The following IL36B variants were observed in gnomAD, a reference collection of about 807,000 sequenced individuals.
IL36B encodes interleukin 36 beta.
Under a neutral mutation model 19.3 loss-of-function variants are expected in IL36B, and 23 were observed. That is an observed-to-expected ratio of 1.19 (90% confidence interval 0.86 to 1.69). IL36B has a LOEUF of 1.69. IL36B is among the 40% of genes most tolerant of loss of function. The pLI is 0.00. For synonymous variants in IL36B, 59 were observed against 59.7 expected (o/e 0.99, Z 0.05); for missense variants, 217 against 200.5 (o/e 1.08, Z -0.50).
chr2:113,029,578 G>A (rs777440825), intron 3 of IL36B, among the ~76,000 whole-genome samples: 4 of 152,216 alleles, frequency 2.6e-5, no homozygotes, highest in African/African-American at 7.2e-5. Context: ...TTTCCGGCTC[G>A]AGGAAATGGA....
Position 113,039,121 on chromosome 2 carries a change from C to T in IL36B, c.-57-7355G>A, listed in dbSNP as rs79613977. 8.2e-3 allele frequency among the ~76,000 whole-genome samples: 1,255 copies of T among 152,238 alleles called. 16 individuals are homozygous for T. Among genetic ancestry groups the T allele is most frequent in the African/African-American group, 0.028 (1,164 of 41,536 alleles). On this transcript the variant is annotated intron_variant, in intron 1 of 5. Coordinates refer to ENST00000259213, the MANE Select transcript of IL36B (RefSeq NM_014438.5). The stretch of plus-strand genomic sequence containing the variant: ...CTCTAGATTGGGATATCAGCATAGT[C>T]CAGGTTGGCCCCTGGATATGAGACT...
chr2:113,041,615 C>G (rs1685258714), intron 1 of IL36B, among the ~76,000 whole-genome samples: 1 of 152,194 alleles, frequency 6.6e-6, no homozygotes, highest in Non-Finnish European at 1.5e-5. Context: ...AAAATAAAAA[C>G]TTACTTATTA....
intron 1 of IL36B, among the ~76,000 whole-genome samples, chr2:113,035,248 G>A (rs921428097): frequency 1.3e-5 from 2 of 152,170 alleles, no homozygotes; most frequent in South Asian, 2.1e-4. Context: ...GGTCCTGAGA[G>A]TGCTTAATGA....
intron 1 of IL36B, among the ~76,000 whole-genome samples, chr2:113,038,085 T>G (rs1000398883): frequency 2.6e-5 from 4 of 152,242 alleles, no homozygotes; most frequent in Non-Finnish European, 2.9e-5. Context: ...TTCAAGGTCC[T>G]TCCCTGGAAT....
intron 2 of IL36B, 49 bp from the exon 3 acceptor site, chr2:113,031,204 A>ACGT: frequency 1.6e-6 from 2 of 1,285,064 alleles, no homozygotes; most frequent in Non-Finnish European, 2.3e-6. Context: ...TATCAACTTC[A>ACGT]GGACTCCAGT....
At chr2:113,025,154 C>T (rs1042854917) in intron 5 of IL36B, among the ~76,000 whole-genome samples, 2 of 152,200 alleles carry the variant, frequency 1.3e-5, no homozygotes, top group African/African-American at 4.8e-5. Context: ...TTCATTTCTG[C>T]AGCCATCTCC....
chr2:113,029,019 T>C lies in IL36B; in HGVS notation c.181A>G (p.Met61Val). Residue 61 changes from methionine to valine, a missense_variant, in exon 4 of 6, where the codon ATG becomes GTG. By Grantham distance (21) the Met-to-Val change is conservative. Coordinates refer to ENST00000259213, the MANE Select transcript of IL36B (RefSeq NM_014438.5). ...TTTCCCTTGATTCCCAGGTAAACCA[T>C]ATTACCCTTTTCCTTGTCACTGAAT... 1 of 1,613,888 alleles carries C rather than the reference T, an allele frequency of 6.2e-7. No individual in the cohort carries two copies. The highest frequency in any genetic ancestry group is 8.5e-7 in the Non-Finnish European group (1 of 1,179,764).
At position 113,028,108 on chromosome 2, in the gene IL36B, T is replaced by C. The variant is rs529658496; in HGVS notation, c.261+831A>G. On this transcript the variant is annotated intron_variant, in intron 4 of 5. Transcript: ENST00000259213. The stretch of plus-strand genomic sequence containing the variant: ...CTTCTCCACATACAGGTCCATGATA[T>C]TTTTTTCCTGGGGGTGGAAAAGAGG... 2.4e-4 allele frequency: 390 copies of C among 1,613,192 alleles called. 3 individuals are homozygous for C. In the South Asian group the frequency reaches 4.0e-3, roughly 17 times the overall value.
chr2:113,037,693 T>C (rs1685187171), intron 1 of IL36B, among the ~76,000 whole-genome samples: 2 of 152,172 alleles, frequency 1.3e-5, no homozygotes, highest in Non-Finnish European at 2.9e-5. Flanking sequence ...TCTGATTTTG[T>C]ACAGTCTTTA....
chr2:113,035,573 C>A (rs1261514146), intron 1 of IL36B, among the ~76,000 whole-genome samples: 1 of 151,032 alleles, frequency 6.6e-6, no homozygotes, highest in Non-Finnish European at 1.5e-5. Context: ...GACCTGATAT[C>A]CAGTGAGAAA....
rs1214031188 is a variant in IL36B at position 113,046,204 on chromosome 2, TTTTC to T, written c.-58+6609_-58+6612del. ...GTTTATATTCTGGTTTCTTCAGGTT[TTTTC>T]TTTTTTTTTTTTTTTTTTTGAGACG... On this transcript the variant is annotated intron_variant, in intron 1 of 5. Coordinates refer to ENST00000259213, the MANE Select transcript of IL36B (RefSeq NM_014438.5). 1.5e-3 allele frequency among the ~76,000 whole-genome samples: 20 copies of T among 13,680 alleles called. 1 individual carries two copies. The East Asian group carries it at 0.041, about 28-fold the overall frequency. 9.0% of individuals were successfully genotyped at this position (13,680 alleles called of 152,430 possible). A position where few individuals can be genotyped will look rare whatever the true frequency, so the allele number is the denominator to read the frequency against.
At chr2:113,048,862 C>T (rs1416536798) in intron 1 of IL36B, among the ~76,000 whole-genome samples, 2 of 152,198 alleles carry the variant, frequency 1.3e-5, no homozygotes, top group Non-Finnish European at 2.9e-5. Flanking sequence ...AATGGACCAA[C>T]ATTTGGAAAG....
At position 113,031,789 on chromosome 2, in the gene IL36B, GAGA is replaced by G. The variant is rs568203493; in HGVS notation, c.-57-26_-57-24del. On this transcript the variant is annotated intron_variant, in intron 1 of 5. Coordinates refer to ENST00000259213, the MANE Select transcript of IL36B (RefSeq NM_014438.5). ...AGGCTGTTAACAGTTGGCCATGTGAGAGAAGGAGAGAAGAAACATGTTATGCTT... is the reference window on the plus strand; with the variant it reads ...AGGCTGTTAACAGTTGGCCATGTGAGAGGAGAGAAGAAACATGTTATGCTT... 202 of 1,077,070 alleles carry G rather than the reference GAGA, an allele frequency of 1.9e-4. 2 individuals carry two copies. The South Asian group carries it at 2.5e-3, about 13-fold the overall frequency. The allele number at this position is 1,077,070 out of a possible 1,614,324, so 66.7% of individuals were successfully genotyped here. A position where few individuals can be genotyped will look rare whatever the true frequency, so the allele number is the denominator to read the frequency against.
chr2:113,041,951 G>T (rs913841163), intron 1 of IL36B, among the ~76,000 whole-genome samples: 4 of 152,168 alleles, frequency 2.6e-5, no homozygotes, highest in Non-Finnish European at 5.9e-5. Context: ...GCCTGGAAAG[G>T]GGGTGGCATT....
intron 1 of IL36B, among the ~76,000 whole-genome samples, chr2:113,049,880 G>A (rs1685412354): frequency 6.6e-6 from 1 of 152,004 alleles, no homozygotes; most frequent in African/African-American, 2.4e-5. Flanking sequence ...ACTTGAACCT[G>A]AGAGGCAGAG....
chr2:113,028,698 C>T (rs777344879), intron 4 of IL36B, among the ~76,000 whole-genome samples: 4 of 152,130 alleles, frequency 2.6e-5, no homozygotes, highest in Non-Finnish European at 4.4e-5. Flanking sequence ...TTTGGCTTTT[C>T]TGAAACATTC....
At chr2:113,042,389 A>G (rs989483269) in intron 1 of IL36B, among the ~76,000 whole-genome samples, 5 of 152,174 alleles carry the variant, frequency 3.3e-5, no homozygotes, top group African/African-American at 1.2e-4. Context: ...GTTTTGACAT[A>G]TGTCTATGTT....
intron 1 of IL36B, among the ~76,000 whole-genome samples, chr2:113,035,252 T>G (rs1685146535): frequency 6.6e-6 from 1 of 152,260 alleles, no homozygotes; most frequent in Admixed American, 6.5e-5. Context: ...CTGAGAGTGC[T>G]TAATGATGAA....
chr2:113,027,446 G>T, intron 4 of IL36B: 1 of 1,011,628 alleles, frequency 9.9e-7, no homozygotes, highest in Non-Finnish European at 1.2e-6. Context: ...GGATTAGAAA[G>T]ACATGCAAAC....
Sources: gnomAD v4.1 joint callset for allele counts (sites outside exome capture counted in the v4.1 genomes callset) on GRCh38, gnomAD v4.1.1 for gene constraint, MANE v1.5 for transcripts, NCBI Gene and HGNC (gene_info 2026-07-23, HGNC 2026-07-21) for gene names.